The following ZNF425 variants were observed in gnomAD, a reference collection of about 807,000 sequenced individuals.
ZNF425 encodes the protein zinc finger protein 425.
A neutral mutation model predicts 17.0 loss-of-function variants in ZNF425; 21 were observed. The ratio of observed to expected loss-of-function variants is 1.23; its 90% CI spans 0.88 to 1.78. The LOEUF (loss-of-function observed/expected upper bound fraction) is 1.78. ZNF425 is among the 40% of genes most tolerant of loss of function. The pLI is 0.00. For missense variants in ZNF425, 868 were observed against 967.3 expected (o/e 0.90, Z 1.36); for synonymous variants, 433 against 384.1 (o/e 1.13, Z -1.49).
Position 149,105,265 on chromosome 7 carries a change from CCTT to C in ZNF425, c.603_605del (p.Arg203del). 6.2e-7 allele frequency: 1 copy of C among 1,614,184 alleles called. No homozygotes were observed. The highest frequency in any genetic ancestry group is 1.1e-5 in the South Asian group (1 of 91,082). On this transcript the variant is annotated inframe_deletion, in exon 4 of 4. Transcript: ENST00000378061. The stretch of plus-strand genomic sequence containing the variant: ...TCCGTTTGTGCTTTAGCAAATCCCT[CCTT>C]ACTTGGAAGACTTTCCTACAGACAT...
Position 149,103,942 on chromosome 7 carries a change from GCACATCA to G in ZNF425, c.1922_1928del (p.Val641AlafsTer39). The G allele has an allele frequency of 6.2e-7, 1 of 1,614,046 alleles. No homozygotes were observed. The highest frequency in any genetic ancestry group is 8.5e-7 in the Non-Finnish European group (1 of 1,180,030). ...GGTACTGTTGAGTGAAACTTTTGCCGCACATCACACAAGAGAATGGCTTTTGGCCACT... is the reference window on the plus strand; with the variant it reads ...GGTACTGTTGAGTGAAACTTTTGCCGCACAAGAGAATGGCTTTTGGCCACT... On this transcript the variant is annotated frameshift_variant, in exon 4 of 4. Transcript: ENST00000378061. LOFTEE classifies it low-confidence loss of function (END_TRUNC).
At chr7:149,118,469 T>C in intron 1 of ZNF425, 121 bp from the exon 2 acceptor site, 1 of 1,230,022 alleles carries the variant, frequency 8.1e-7, no homozygotes, top group Non-Finnish European at 1.1e-6. Context: ...TGGTGCCATA[T>C]TATAAAATAA....
intron 2 of ZNF425, among the ~76,000 whole-genome samples, chr7:149,117,353 T>C (rs555987760): frequency 6.5e-4 from 99 of 152,248 alleles, no homozygotes; most frequent in African/African-American, 2.3e-3. Flanking sequence ...ATCTTTTTAA[T>C]CTACTCCTTG....
chr7:149,112,122 A>G lies in ZNF425; in HGVS notation c.304+15T>C, dbSNP rs1486236561. ...AAAATAAAATAATTCATGATCTTAA[A>G]TCCATCTTACTCACCAAAACATAGC... On this transcript the variant is annotated intron_variant, in intron 3 of 3. Transcript: ENST00000378061. 1 of 1,608,244 alleles carries G rather than the reference A, an allele frequency of 6.2e-7. No homozygotes were observed. The highest frequency in any genetic ancestry group is 1.7e-5 in the Admixed American group (1 of 58,634).
At chr7:149,117,913 A>G (rs1389632825) in intron 2 of ZNF425, among the ~76,000 whole-genome samples, 3 of 151,884 alleles carry the variant, frequency 2.0e-5, no homozygotes, top group Non-Finnish European at 4.4e-5. Flanking sequence ...CAGCCTCCCA[A>G]AGTGCTGGGA....
At chr7:149,125,330 AACTCTAAAACCGG>A (rs1213528719) in intron 1 of ZNF425, among the ~76,000 whole-genome samples, 8 of 152,186 alleles carry the variant, frequency 5.3e-5, no homozygotes, top group African/African-American at 1.7e-4. Flanking sequence ...ACGCCTTTCA[AACTCTAAAACCGG>A]TGCTCAAATT....
chr7:149,108,681 C>T (rs2129517919), intron 3 of ZNF425, among the ~76,000 whole-genome samples: 1 of 152,226 alleles, frequency 6.6e-6, no homozygotes, highest in African/African-American at 2.4e-5. Flanking sequence ...ATCACGAGGT[C>T]AGGAGATGGA....
chr7:149,120,000 C>T lies in ZNF425; in HGVS notation c.19-1652G>A, dbSNP rs537293464. ...GAGGGGTCCTGGAACCAATCCCTTG[C>T]GGATACTGACAGACAACTGCATCCC... On this transcript the variant is annotated intron_variant, in intron 1 of 3. Coordinates refer to ENST00000378061, the MANE Select transcript of ZNF425 (RefSeq NM_001001661.3). Among the ~76,000 whole-genome samples, 8 of 152,248 alleles carry T rather than the reference C, an allele frequency of 5.3e-5. No individual in the cohort carries two copies. The East Asian group carries it at 5.8e-4, about 11-fold the overall frequency.
chr7:149,105,596 A>C (rs367566488), intron 3 of ZNF425, 30 bp from the exon 4 acceptor site: 50 of 1,484,774 alleles, frequency 3.4e-5, no homozygotes, highest in Middle Eastern at 1.8e-4. Flanking sequence ...CACTCTCATC[A>C]GTGATATGTC....
intron 1 of ZNF425, among the ~76,000 whole-genome samples, chr7:149,119,714 G>T (rs915591191): frequency 5.3e-5 from 8 of 152,008 alleles, no homozygotes; most frequent in Non-Finnish European, 1.2e-4. Flanking sequence ...TCAAGTTTGA[G>T]ACCAGCCTGA....
chr7:149,108,395 CT>C (rs1319949984), intron 3 of ZNF425, among the ~76,000 whole-genome samples: 2 of 152,238 alleles, frequency 1.3e-5, no homozygotes, highest in East Asian at 1.9e-4. Flanking sequence ...ACACTAATAC[CT>C]TTTGCCTGGA....
chr7:149,112,502 A>G, intron 2 of ZNF425: 1 of 454,172 alleles, frequency 2.2e-6, no homozygotes, highest in Non-Finnish European at 3.9e-6. Context: ...GCGTGGTAGC[A>G]CACGCTTGTA....
In ZNF425 at chr7:149,118,148, G is replaced by T. The variant is rs527516792; in HGVS notation, c.145+74C>A. ...ACAGTATCATATTCAACCAGCCCAC[G>T]GCTCATACAGGGAAGGAAGCCTGGT... On this transcript the variant is annotated intron_variant, in intron 2 of 3. Coordinates refer to ENST00000378061, the MANE Select transcript of ZNF425 (RefSeq NM_001001661.3). 14 of 1,564,770 alleles carry T rather than the reference G, an allele frequency of 8.9e-6. No individual in the cohort carries two copies. In the African/African-American group the frequency reaches 1.5e-4, roughly 17 times the overall value.
At chr7:149,116,586 C>G (rs1826270307) in intron 2 of ZNF425, among the ~76,000 whole-genome samples, 1 of 152,148 alleles carries the variant, frequency 6.6e-6, no homozygotes, top group Non-Finnish European at 1.5e-5. Context: ...CATTGCTGTC[C>G]ACTATGATTC....
In ZNF425 at chr7:149,103,437, C is replaced by G. The variant is rs770528691; in HGVS notation, c.*175G>C. On this transcript the variant is annotated 3_prime_UTR_variant, in exon 4 of 4. Transcript: ENST00000378061. Reference sequence around the variant, plus strand: ...CTTGCAATGTTGCCTAGGCTGGTCTCAAACTTCTGGGCTCAAGCGATCCTC... The same window carrying G: ...CTTGCAATGTTGCCTAGGCTGGTCTGAAACTTCTGGGCTCAAGCGATCCTC... 7 of 790,694 alleles carry G rather than the reference C, an allele frequency of 8.9e-6. No individual in the cohort carries two copies. Among genetic ancestry groups the G allele is most frequent in the Non-Finnish European group, 1.4e-5 (7 of 517,658 alleles). The allele number at this position is 790,694 out of a possible 1,614,324, so 49.0% of individuals were successfully genotyped here.
rs750814428 is a variant in ZNF425 at position 149,104,851 on chromosome 7, G to A, written c.1020C>T (p.Arg340=). The part of the protein sequence containing the change: ...FQCPQCDRCF[R]LKRGMKVHLT... ...GATGGACCTTCATGCCCCTCTTCAG[G>A]CGGAAGCACCGGTCACACTGCGGAC... The change falls in exon 4 of 4, where the codon CGC becomes CGT. Residue 340 remains arginine, a synonymous_variant. Coordinates refer to ENST00000378061, the MANE Select transcript of ZNF425 (RefSeq NM_001001661.3). The surrounding 1 kb of genome is among the most constrained non-coding windows in gnomAD (Gnocchi z 4.3). 6.2e-7 allele frequency: 1 copy of A among 1,613,744 alleles called. No individual in the cohort carries two copies. Among genetic ancestry groups the A allele is most frequent in the Non-Finnish European group, 8.5e-7 (1 of 1,179,986 alleles).
intron 2 of ZNF425, among the ~76,000 whole-genome samples, chr7:149,115,860 T>C (rs1402592260): frequency 6.6e-6 from 1 of 152,180 alleles, no homozygotes; most frequent in Non-Finnish European, 1.5e-5. Flanking sequence ...GCACCTCAAG[T>C]ACTTGTGAAA....
chr7:149,122,474 T>G (rs749594746), intron 1 of ZNF425, among the ~76,000 whole-genome samples: 1 of 152,072 alleles, frequency 6.6e-6, no homozygotes, highest in Non-Finnish European at 1.5e-5. Context: ...TTGCAAATTT[T>G]GGCCCCAGTC....
intron 3 of ZNF425, among the ~76,000 whole-genome samples, chr7:149,105,806 A>G (rs1826074644): frequency 6.6e-6 from 1 of 151,588 alleles, no homozygotes; most frequent in African/African-American, 2.4e-5. Context: ...GCCCGCCACC[A>G]CGCCCGGCTA....
Sources: allele counts gnomAD v4.1 joint callset (sites outside exome capture counted in the v4.1 genomes callset), GRCh38; gene constraint gnomAD v4.1.1; non-coding constraint Gnocchi (gnomAD v3.1); transcripts MANE v1.5; gene names NCBI Gene and HGNC (gene_info 2026-07-23, HGNC 2026-07-21).